The following ANO6 variants were observed in gnomAD, a reference collection of about 807,000 sequenced individuals.
The protein encoded by ANO6 is anoctamin 6, also known as anoctamin-6.
A neutral mutation model predicts 117.5 loss-of-function variants in ANO6; 106 were observed. The observed-to-expected ratio is 0.90, with a 90% CI of 0.77 to 1.06. The LOEUF (loss-of-function observed/expected upper bound fraction) is 1.06. Ranked by LOEUF, ANO6 falls within the 50% of genes least tolerant of loss-of-function variation. The probability of loss-of-function intolerance (pLI) is 0.00; values close to 1 mark genes in which losing one functional copy is unlikely to be tolerated. For synonymous variants in ANO6, 367 were observed against 385.1 expected, an observed-to-expected ratio of 0.95 and a Z score of 0.55; for missense variants, 955 against 1,121.1, an observed-to-expected ratio of 0.85 and a Z score of 2.12.
chr12:45,338,709 A>C (rs1940895035), intron 3 of ANO6, among the ~76,000 whole-genome samples: 1 of 152,134 alleles, frequency 6.6e-6, no homozygotes, highest in African/African-American at 2.4e-5. Context: ...CAGCTATGAA[A>C]TGCGTTGCTG....
At chr12:45,352,907 T>C (rs944588767) in intron 7 of ANO6, among the ~76,000 whole-genome samples, 1 of 152,196 alleles carries the variant, frequency 6.6e-6, no homozygotes, top group Non-Finnish European at 1.5e-5. Flanking sequence ...TTATTTCTTG[T>C]TTTCCTTGCT....
chr12:45,370,910 G>A (rs1033814062), intron 9 of ANO6, among the ~76,000 whole-genome samples: 5 of 152,160 alleles, frequency 3.3e-5, no homozygotes, highest in Admixed American at 6.5e-5. Context: ...CCTGAGCAAC[G>A]CAGGAGACGG....
chr12:45,239,771 A>G (rs1947709165), intron 1 of ANO6, among the ~76,000 whole-genome samples: 1 of 152,014 alleles, frequency 6.6e-6, no homozygotes, highest in Non-Finnish European at 1.5e-5. Flanking sequence ...TTCTGCCTTC[A>G]TTTTGTTACG....
chr12:45,354,941 A>G (rs1941372894), intron 7 of ANO6, among the ~76,000 whole-genome samples: 1 of 152,198 alleles, frequency 6.6e-6, no homozygotes, highest in South Asian at 2.1e-4. Flanking sequence ...CACATCTTCC[A>G]GAATAGAAAG....
chr12:45,283,226 C>T (rs2137259619), intron 1 of ANO6, among the ~76,000 whole-genome samples: 1 of 152,234 alleles, frequency 6.6e-6, no homozygotes, highest in South Asian at 2.1e-4. Flanking sequence ...GATACATTTC[C>T]TAAGGAGAGG....
chr12:45,402,745 A>T (rs1283848718), intron 13 of ANO6, among the ~76,000 whole-genome samples: 1 of 152,212 alleles, frequency 6.6e-6, no homozygotes, highest in Non-Finnish European at 1.5e-5. Context: ...GCAGTTCAAA[A>T]ATAATTTTCT....
chr12:45,234,299 T>G (rs957964616), intron 1 of ANO6, among the ~76,000 whole-genome samples: 5 of 152,228 alleles, frequency 3.3e-5, no homozygotes, highest in Non-Finnish European at 7.3e-5. Context: ...AGTTTACTGA[T>G]GAGTGTGACA....
intron 10 of ANO6, 68 bp from the exon 11 acceptor site, chr12:45,388,093 T>C: frequency 1.9e-6 from 3 of 1,572,758 alleles, no homozygotes; most frequent in Non-Finnish European, 2.6e-6. Context: ...TTAATATTAT[T>C]CAGTACAGAT....
intron 5 of ANO6, 52 bp downstream of exon 5, chr12:45,348,367 G>C (rs767609027): frequency 6.2e-7 from 1 of 1,611,220 alleles, no homozygotes; most frequent in African/African-American, 1.3e-5. Flanking sequence ...GGAACCTGCT[G>C]TTTTGTGGTT....
intron 10 of ANO6, among the ~76,000 whole-genome samples, chr12:45,387,042 C>CT (rs1051230193): frequency 6.6e-6 from 1 of 152,214 alleles, no homozygotes; most frequent in African/African-American, 2.4e-5. Flanking sequence ...TCTCATATGC[C>CT]TAGGAGCTCC....
At chr12:45,231,975 G>GA (rs961812691) in intron 1 of ANO6, among the ~76,000 whole-genome samples, 5 of 152,020 alleles carry the variant, frequency 3.3e-5, no homozygotes, top group East Asian at 1.9e-4. Flanking sequence ...ATTTGGCAAA[G>GA]AAAAAAATCA....
chr12:45,421,204 A>T lies in ANO6; in HGVS notation c.2351A>T (p.Lys784Ile). ...GYINNTLSIF[K>I]VADFKNKSKG... is the part of the protein sequence containing the mutation. ...ATCAACAACACTCTCTCCATCTTCA[A>T]AGTCGCAGACTTCAAAAACAAAAGC... Residue 784 changes from lysine to isoleucine, a missense_variant, in exon 18 of 20, where the codon AAA becomes ATA. Transcript: ENST00000320560. 3 of 1,614,170 alleles carry T rather than the reference A, an allele frequency of 1.9e-6. No individual in the cohort carries two copies. The highest frequency in any genetic ancestry group is 2.5e-6 in the Non-Finnish European group (3 of 1,180,012).
At chr12:45,371,579 A>T (rs1565727002) in intron 9 of ANO6, among the ~76,000 whole-genome samples, 1 of 151,984 alleles carries the variant, frequency 6.6e-6, no homozygotes, top group Non-Finnish European at 1.5e-5. Context: ...CCTAACTGGG[A>T]GGCACCCCCC....
At chr12:45,242,471 A>G (rs1947760764) in intron 1 of ANO6, among the ~76,000 whole-genome samples, 1 of 152,246 alleles carries the variant, frequency 6.6e-6, no homozygotes, top group Non-Finnish European at 1.5e-5. Context: ...TTCCAGGTAC[A>G]GACTGTCGTG....
intron 10 of ANO6, among the ~76,000 whole-genome samples, chr12:45,384,403 A>G (rs149881027): frequency 7.9e-5 from 12 of 152,322 alleles, no homozygotes; most frequent in African/African-American, 2.6e-4. Context: ...CAGCTTGGCA[A>G]ACTGGCACAA....
chr12:45,222,879 A>G (rs1185564996), intron 1 of ANO6, among the ~76,000 whole-genome samples: 2 of 152,220 alleles, frequency 1.3e-5, no homozygotes, highest in Non-Finnish European at 2.9e-5. Context: ...TTCCCCATTC[A>G]GTCTATTAGT....
intron 1 of ANO6, among the ~76,000 whole-genome samples, chr12:45,292,096 G>A (rs367659518): frequency 9.9e-5 from 15 of 152,274 alleles, no homozygotes; most frequent in African/African-American, 2.6e-4. Context: ...TAAATACAGC[G>A]TAGTATATCT....
intron 1 of ANO6, among the ~76,000 whole-genome samples, chr12:45,299,193 A>G (rs1368323459): frequency 6.6e-6 from 1 of 152,248 alleles, no homozygotes; most frequent in Non-Finnish European, 1.5e-5. Context: ...AGCACATTTT[A>G]GCAAGTTTTA....
intron 2 of ANO6, among the ~76,000 whole-genome samples, chr12:45,328,677 T>G (rs1380044525): frequency 3.9e-5 from 6 of 152,186 alleles, no homozygotes; most frequent in African/African-American, 1.4e-4. Flanking sequence ...TCCCTAGAAC[T>G]TGCTATGTAC....
Sources: allele counts gnomAD v4.1 joint callset (sites outside exome capture counted in the v4.1 genomes callset), GRCh38; gene constraint gnomAD v4.1.1; transcripts MANE v1.5; gene names NCBI Gene and HGNC (gene_info 2026-07-23, HGNC 2026-07-21).